DENND3: variants seen among roughly 807,000 people sequenced by gnomAD.
DENND3 encodes the protein DENN domain-containing protein 3.
DENND3 carries 88 observed loss-of-function variants against 135.1 expected under a neutral mutation model. That is an observed-to-expected ratio of 0.65 (90% CI 0.55 to 0.78). DENND3 has a LOEUF of 0.78. Among genes scored for constraint, DENND3 ranks in the 30% least tolerant of loss-of-function variants. DENND3 has a pLI of 0.00. For missense variants in DENND3, 1,392 were observed against 1,688.4 expected (o/e 0.82, Z 3.08); for synonymous variants, 693 against 712.3 (o/e 0.97, Z 0.43).
At position 141,166,324 on chromosome 8, in the gene DENND3, A is replaced by C; in HGVS notation, c.1688A>C (p.Glu563Ala). 6.2e-7 allele frequency: 1 copy of C among 1,613,848 alleles called. No individual in the cohort carries two copies. Among genetic ancestry groups the C allele is most frequent in the Non-Finnish European group, 8.5e-7 (1 of 1,180,032 alleles). Residue 563 changes from glutamate to alanine, a missense_variant, in exon 12 of 23, where the codon GAG becomes GCG. Coordinates refer to ENST00000519811, the MANE Select transcript of DENND3 (RefSeq NM_001352890.3). This position sits in a 1 kb window ranked among gnomAD's most constrained non-coding sequence, Gnocchi z 4.3. ...MPNLQDIAMPELAPRNSSLRL... is the reference protein window; with the variant it reads ...MPNLQDIAMPALAPRNSSLRL... ...AACCTGCAGGACATTGCCATGCCTG[A>C]GCTGGCACCCAGGAACTCCTCGCTC...
intron 5 of DENND3, among the ~76,000 whole-genome samples, chr8:141,150,613 A>C (rs1049873139): frequency 2.6e-5 from 4 of 152,254 alleles, no homozygotes; most frequent in Admixed American, 1.3e-4. Flanking sequence ...TGGCTTACTT[A>C]GAAAAAGACA....
intron 7 of DENND3, among the ~76,000 whole-genome samples, chr8:141,153,092 C>CTTTTT (rs35650187): frequency 5.0e-5 from 6 of 119,370 alleles, no homozygotes; most frequent in African/African-American, 6.7e-5. Context: ...CAATATCTTT[C>CTTTTT]TTTTTTTTTT....
In DENND3 at chr8:141,130,796, C is replaced by T. The variant is rs529190246; in HGVS notation, c.102+1987C>T. The stretch of plus-strand genomic sequence containing the variant: ...CCGCCTCCTGAGTTCAAGCAATTCT[C>T]CTGCCTCAGCCTCCTAAGTAGCTGG... On this transcript the variant is annotated intron_variant, in intron 1 of 22. Coordinates refer to ENST00000519811, the MANE Select transcript of DENND3 (RefSeq NM_001352890.3). The surrounding 1 kb of genome is among the most constrained non-coding windows in gnomAD (Gnocchi z 4.2). Among the ~76,000 whole-genome samples the T allele has an allele frequency of 1.3e-4, 19 of 151,974 alleles. 1 individual carries two copies. The East Asian group carries it at 2.9e-3, about 23-fold the overall frequency.
rs1825171952 is a variant in DENND3 at position 141,194,754 on chromosome 8, T to TG, written c.*524dup. 1 of 156,754 alleles carries TG rather than the reference T, an allele frequency of 6.4e-6. No individual in the cohort carries two copies. The highest frequency in any genetic ancestry group is 1.4e-5 in the Non-Finnish European group (1 of 70,504). The allele number at this position is 156,754 out of a possible 1,614,324, so 9.7% of individuals were successfully genotyped here. ...AGAAGGGTGGTTCGGGTAACCACTGTGGGCTCTCTCCCATCACAGAAGGTG... is the reference window on the plus strand; with the variant it reads ...AGAAGGGTGGTTCGGGTAACCACTGTGGGGCTCTCTCCCATCACAGAAGGTG... On this transcript the variant is annotated 3_prime_UTR_variant, in exon 23 of 23. Transcript: ENST00000519811.
intron 1 of DENND3, among the ~76,000 whole-genome samples, chr8:141,136,181 G>A (rs1047043733): frequency 1.3e-5 from 2 of 152,208 alleles, no homozygotes; most frequent in African/African-American, 2.4e-5. Context: ...TCAGGAGGTG[G>A]AGGCACAGCC....
chr8:141,139,981 C>T lies in DENND3; in HGVS notation c.502-1222C>T, dbSNP rs1417312101. Among the ~76,000 whole-genome samples, 1 of 151,860 alleles carries T rather than the reference C, an allele frequency of 6.6e-6. No individual in the cohort carries two copies. The highest frequency in any genetic ancestry group is 1.5e-5 in the Non-Finnish European group (1 of 67,992). ...TTAGTGCAGCGGTGTGATCACGGCT[C>T]ACTGCAGCCTTGAACTCCAGGGCTA... On this transcript the variant is annotated intron_variant, in intron 3 of 22. Transcript: ENST00000519811. The surrounding 1 kb of genome is among the most constrained non-coding windows in gnomAD (Gnocchi z 4.2).
rs140129932 is a variant in DENND3, at chr8:141,155,737, T to A, written c.1075-112T>A. 9.8e-4 allele frequency: 1,321 copies of A among 1,350,808 alleles called. 7 individuals carry two copies. The African/African-American group carries it at 0.012, about 12-fold the overall frequency. 83.7% of individuals were successfully genotyped at this position (1,350,808 alleles called of 1,614,324 possible). On this transcript the variant is annotated intron_variant, in intron 7 of 22. Transcript: ENST00000519811. Reference sequence around the variant, plus strand: ...GTGCATTTTAAAGAGGGTCATTTAATTAATGATGACACTGTCTTAGTGAAC... The same window carrying A: ...GTGCATTTTAAAGAGGGTCATTTAAATAATGATGACACTGTCTTAGTGAAC...
chr8:141,184,070 T>TG (rs1205235446), intron 17 of DENND3, among the ~76,000 whole-genome samples: 4 of 152,236 alleles, frequency 2.6e-5, no homozygotes, highest in African/African-American at 9.6e-5. Context: ...AGAGGCTTCT[T>TG]GCCATCTTCA....
At position 141,166,293 on chromosome 8, in the gene DENND3, A is replaced by AT. The variant is rs1820784660; in HGVS notation, c.1658dup (p.Met553IlefsTer11). On this transcript the variant is annotated frameshift_variant, in exon 12 of 23. Transcript: ENST00000519811. LOFTEE classifies it high-confidence loss of function. This position sits in a 1 kb window ranked among gnomAD's most constrained non-coding sequence, Gnocchi z 4.3. Reference sequence around the variant, plus strand: ...CACCCACAGGCGCATGGTGGTCAGCATGCCCAACCTGCAGGACATTGCCAT... The same window carrying AT: ...CACCCACAGGCGCATGGTGGTCAGCATTGCCCAACCTGCAGGACATTGCCAT... The AT allele has an allele frequency of 6.2e-7, 1 of 1,613,964 alleles. No homozygotes were observed. Among genetic ancestry groups the AT allele is most frequent in the Admixed American group, 1.7e-5 (1 of 60,008 alleles).
In DENND3 at chr8:141,160,632, G is replaced by A. The variant is rs1555546497; in HGVS notation, c.1197G>A (p.Arg399=). ...CTAGCTTCGGTCTGCCTCCTTCCAG[G>A]GTGCAGAGCCTCCAGCTCCACCATG... ...PLLAAQTFIQ[R]VQSLQLHHEL... is the part of the protein sequence containing the mutation. Residue 399 remains arginine (R), a splice_region_variant and synonymous_variant, in exon 9 of 23, where the codon AGG becomes AGA. Coordinates refer to ENST00000519811, the MANE Select transcript of DENND3 (RefSeq NM_001352890.3). The A allele has an allele frequency of 6.3e-7, 1 of 1,593,024 alleles. No individual in the cohort carries two copies. Among genetic ancestry groups the A allele is most frequent in the Non-Finnish European group, 8.6e-7 (1 of 1,164,304 alleles).
intron 1 of DENND3, among the ~76,000 whole-genome samples, chr8:141,133,537 C>T (rs1816408971): frequency 6.6e-6 from 1 of 152,170 alleles, no homozygotes; most frequent in Non-Finnish European, 1.5e-5. Context: ...GCAGCATCTT[C>T]CTCCTTCTCC....
intron 17 of DENND3, among the ~76,000 whole-genome samples, chr8:141,181,469 C>T (rs1569556700): frequency 1.3e-5 from 2 of 152,218 alleles, no homozygotes; most frequent in Non-Finnish European, 2.9e-5. Context: ...CTGTGTGGCC[C>T]TGAGCGGCCC....
chr8:141,140,275 C>T (rs906299075), intron 3 of DENND3, among the ~76,000 whole-genome samples: 2 of 152,194 alleles, frequency 1.3e-5, no homozygotes, highest in South Asian at 2.1e-4. Context: ...ACCGACACTA[C>T]GTGACTTGAG....
rs544525842 is a variant in DENND3 at position 141,131,776 on chromosome 8, A to G, written c.102+2967A>G. On this transcript the variant is annotated intron_variant, in intron 1 of 22. Transcript: ENST00000519811. Reference sequence around the variant, plus strand: ...TGAATTAGCAGTTTTAAAAACCAAAATGATGGTTATTGGGTAGGGGTTTAA... The same window carrying G: ...TGAATTAGCAGTTTTAAAAACCAAAGTGATGGTTATTGGGTAGGGGTTTAA... 2.0e-5 allele frequency among the ~76,000 whole-genome samples: 3 copies of G among 152,186 alleles called. No homozygotes were observed. The South Asian group carries it at 6.2e-4, about 32-fold the overall frequency.
chr8:141,177,935 G>A (rs1430243580), intron 15 of DENND3, 132 bp from the exon 16 acceptor site: 9 of 1,151,136 alleles, frequency 7.8e-6, no homozygotes, highest in East Asian at 5.2e-5. Context: ...AAATTCATCC[G>A]TGATCTAAAC....
Position 141,175,770 on chromosome 8 carries a change from C to T in DENND3, c.2535+311C>T, listed in dbSNP as rs905931505. The T allele has an allele frequency of 3.9e-5, 16 of 412,332 alleles. No homozygotes were observed. Among genetic ancestry groups the T allele is most frequent in the South Asian group, 3.5e-4 (16 of 45,440 alleles). The allele number at this position is 412,332 out of a possible 1,614,324, so 25.5% of individuals were successfully genotyped here. ...TGTGGGCTGACATTCTCATTAGGGACAGTAGGACGCCTTCGTTCATCCATG... is the reference window on the plus strand; with the variant it reads ...TGTGGGCTGACATTCTCATTAGGGATAGTAGGACGCCTTCGTTCATCCATG... On this transcript the variant is annotated intron_variant, in intron 14 of 22. Coordinates refer to ENST00000519811, the MANE Select transcript of DENND3 (RefSeq NM_001352890.3). This position sits in a 1 kb window ranked among gnomAD's most constrained non-coding sequence, Gnocchi z 5.4.
chr8:141,153,110 T>C (rs1488322309), intron 7 of DENND3, among the ~76,000 whole-genome samples: 2 of 150,432 alleles, frequency 1.3e-5, no homozygotes, highest in Non-Finnish European at 3.0e-5. Flanking sequence ...TTTTTTTTTT[T>C]TGAGACAGAG....
In DENND3 at chr8:141,178,010, C is replaced by T. The variant is rs923704454; in HGVS notation, c.2707-57C>T. ...GTCCTGTGTGTTGCAACAAGGTCTC[C>T]GGTGAACTGATCTTAGTGATTCTTG... On this transcript the variant is annotated intron_variant, in intron 15 of 22. Coordinates refer to ENST00000519811, the MANE Select transcript of DENND3 (RefSeq NM_001352890.3). 3.4e-5 allele frequency: 53 copies of T among 1,558,404 alleles called. No homozygotes were observed. The Admixed American group carries it at 3.7e-4, about 11-fold the overall frequency.
At chr8:141,193,826 C>A (rs898397841) in intron 22 of DENND3, 4 of 607,784 alleles carry the variant, frequency 6.6e-6, no homozygotes, top group Non-Finnish European at 1.2e-5. Context: ...GTCTTCTTCC[C>A]CAGAGGCCCC....
Sources: allele counts gnomAD v4.1 joint callset (sites outside exome capture counted in the v4.1 genomes callset), GRCh38; gene constraint gnomAD v4.1.1; non-coding constraint Gnocchi (gnomAD v3.1); transcripts MANE v1.5; gene names NCBI Gene and HGNC (gene_info 2026-07-23, HGNC 2026-07-21).